Variants in MYO5B observed in about 807,000 individuals in gnomAD.
MYO5B encodes the protein unconventional myosin-Vb.
Under a neutral mutation model 229.3 loss-of-function variants are expected in MYO5B, and 143 were observed. The ratio of observed to expected loss-of-function variants is 0.62; its 90% CI spans 0.54 to 0.72. The LOEUF (loss-of-function observed/expected upper bound fraction) is 0.72. MYO5B is among the 30% of genes least tolerant of loss of function. The pLI is 0.00. For missense variants in MYO5B, 2,321 were observed against 2,331.0 expected (o/e 1.00, Z 0.09); for synonymous variants, 918 against 885.2 (o/e 1.04, Z -0.66).
At chr18:50,038,649 C>T (rs2029909061) in intron 3 of MYO5B, among the ~76,000 whole-genome samples, 1 of 152,214 alleles carries the variant, frequency 6.6e-6, no homozygotes, top group South Asian at 2.1e-4. Context: ...AGAGCAGCAT[C>T]TAGTGCTTCC....
chr18:49,846,653 C>G (rs1250795466), intron 33 of MYO5B, among the ~76,000 whole-genome samples: 1 of 152,128 alleles, frequency 6.6e-6, no homozygotes, highest in Non-Finnish European at 1.5e-5. Flanking sequence ...GCTGTGTGAC[C>G]TGGGCAAGTT....
At chr18:50,050,663 C>A (rs1296168667) in intron 2 of MYO5B, among the ~76,000 whole-genome samples, 1 of 152,192 alleles carries the variant, frequency 6.6e-6, no homozygotes, top group Non-Finnish European at 1.5e-5. Flanking sequence ...CACCTTCAGG[C>A]CTCAGAGAAA....
chr18:50,087,353 C>T (rs892597086), intron 1 of MYO5B, among the ~76,000 whole-genome samples: 4 of 152,014 alleles, frequency 2.6e-5, no homozygotes, highest in African/African-American at 9.7e-5. Flanking sequence ...GGGTAGATCA[C>T]GAAGCAGGAG....
chr18:50,046,471 A>T (rs2144402560), intron 2 of MYO5B, among the ~76,000 whole-genome samples: 1 of 152,352 alleles, frequency 6.6e-6, no homozygotes, highest in East Asian at 1.9e-4. Flanking sequence ...TAGTTTCAGC[A>T]ATCTTCAAGG....
intron 14 of MYO5B, among the ~76,000 whole-genome samples, chr18:49,943,009 T>A (rs994910073): frequency 6.6e-5 from 10 of 152,004 alleles, no homozygotes; most frequent in Non-Finnish European, 1.3e-4. Flanking sequence ...ATGTGGCACA[T>A]ATACACCATG....
rs528923621 is a variant in MYO5B, at chr18:50,024,751, G to C, written c.455+12099C>G. Among the ~76,000 whole-genome samples, 7 of 152,290 alleles carry C rather than the reference G, an allele frequency of 4.6e-5. No individual in the cohort carries two copies. The South Asian group carries it at 1.2e-3, about 27-fold the overall frequency. The stretch of plus-strand genomic sequence containing the variant: ...TCCTGGCCATGCTGCACTGCCTGCA[G>C]ACCTTTCTGCAGTATTCCTCAACCA... On this transcript the variant is annotated intron_variant, in intron 4 of 39. Transcript: ENST00000285039.
intron 1 of MYO5B, among the ~76,000 whole-genome samples, chr18:50,192,967 T>C (rs2033248708): frequency 6.6e-6 from 1 of 152,244 alleles, no homozygotes; most frequent in Admixed American, 6.5e-5. Flanking sequence ...CAATATTGCC[T>C]GACAAAGGAC....
chr18:50,185,299 AAAAG>A (rs972450887), intron 1 of MYO5B, among the ~76,000 whole-genome samples: 26 of 152,198 alleles, frequency 1.7e-4, no homozygotes, highest in African/African-American at 6.3e-4. Context: ...TAAAAAAAAA[AAAAG>A]AGAGAGAGAG....
intron 39 of MYO5B, among the ~76,000 whole-genome samples, chr18:49,833,374 G>C (rs1568601399): frequency 1.3e-5 from 2 of 152,188 alleles, no homozygotes; most frequent in Non-Finnish European, 2.9e-5. Context: ...AAATGTAGGA[G>C]GGCAGGACTG....
At chr18:50,146,630 T>C (rs1313945619) in intron 1 of MYO5B, among the ~76,000 whole-genome samples, 1 of 152,222 alleles carries the variant, frequency 6.6e-6, no homozygotes, top group African/African-American at 2.4e-5. Flanking sequence ...GTCCTTGCTG[T>C]CTGGGATGAA....
At chr18:49,969,849 A>G (rs2025671447) in intron 10 of MYO5B, 1 of 152,032 alleles carries the variant, frequency 6.6e-6, no homozygotes. Flanking sequence ...CTTCTACCCC[A>G]TTCTCTCCCC....
At chr18:49,926,682 G>A (rs1198666341) in intron 17 of MYO5B, among the ~76,000 whole-genome samples, 3 of 152,202 alleles carry the variant, frequency 2.0e-5, no homozygotes, top group African/African-American at 4.8e-5. Context: ...TGGCTTATCC[G>A]CAAGGCAAAT....
At chr18:49,962,548 C>G (rs540397634) in intron 11 of MYO5B, 142 bp from the exon 12 acceptor site, 1 of 1,219,592 alleles carries the variant, frequency 8.2e-7, no homozygotes, top group African/African-American at 1.5e-5. Flanking sequence ...ATAGTTATGA[C>G]TGCAGAAAAG....
At chr18:50,070,906 G>C (rs2144447634) in intron 1 of MYO5B, among the ~76,000 whole-genome samples, 1 of 152,176 alleles carries the variant, frequency 6.6e-6, no homozygotes, top group East Asian at 1.9e-4. Flanking sequence ...GCAGTGGTGA[G>C]ATCACTACTC....
At chr18:50,174,858 G>A (rs537853244) in intron 1 of MYO5B, among the ~76,000 whole-genome samples, 1 of 152,330 alleles carries the variant, frequency 6.6e-6, no homozygotes, top group South Asian at 2.1e-4. Context: ...TGCTGCCACT[G>A]CAGAAGGTGT....
chr18:50,141,964 A>G (rs1390215724), intron 1 of MYO5B, among the ~76,000 whole-genome samples: 1 of 152,208 alleles, frequency 6.6e-6, no homozygotes, highest in African/African-American at 2.4e-5. Context: ...TTCTTCCTCA[A>G]AATGGGGATA....
intron 27 of MYO5B, among the ~76,000 whole-genome samples, 188 bp downstream of exon 27, chr18:49,871,979 T>C (rs777531477): frequency 2.0e-5 from 3 of 152,236 alleles, no homozygotes; most frequent in Non-Finnish European, 4.4e-5. Context: ...TTATCATTCC[T>C]GTAGTAGATA....
At chr18:50,030,110 C>T (rs931219203) in intron 4 of MYO5B, among the ~76,000 whole-genome samples, 15 of 152,102 alleles carry the variant, frequency 9.9e-5, no homozygotes, top group African/African-American at 3.1e-4. Flanking sequence ...GATGTATTTC[C>T]GAAGATCCAA....
In MYO5B at chr18:49,835,264, A is replaced by T. The variant is rs2023974242; in HGVS notation, c.5394+80T>A. 9.1e-6 allele frequency: 9 copies of T among 984,144 alleles called. No individual in the cohort carries two copies. The East Asian group carries it at 2.1e-4, about 23-fold the overall frequency. 61.0% of individuals were successfully genotyped at this position (984,144 alleles called of 1,614,324 possible). ...TAACCAGTATTTTAGTAATAAAGAG[A>T]AGCAAGATTAAAGCCCAAATTTTTA... On this transcript the variant is annotated intron_variant, in intron 39 of 39. Coordinates refer to ENST00000285039, the MANE Select transcript of MYO5B (RefSeq NM_001080467.3).
Sources: allele counts gnomAD v4.1 joint callset (sites outside exome capture counted in the v4.1 genomes callset), GRCh38; gene constraint gnomAD v4.1.1; transcripts MANE v1.5; gene names NCBI Gene and HGNC (gene_info 2026-07-23, HGNC 2026-07-21).